The following DAB1 variants were observed in gnomAD, a reference collection of about 807,000 sequenced individuals.
The protein encoded by DAB1 is disabled homolog 1.
DAB1 carries 15 observed loss-of-function variants against 64.6 expected under a neutral mutation model. That is an observed-to-expected ratio of 0.23 (90% confidence interval 0.16 to 0.36). DAB1 has a LOEUF of 0.36. Among genes scored for constraint, DAB1 ranks in the 10% least tolerant of loss-of-function variants. The pLI, the probability that DAB1 is intolerant of heterozygous loss-of-function variation, is 1.00. For missense variants in DAB1, 596 were observed against 706.7 expected, an observed-to-expected ratio of 0.84 and a Z score of 1.78; for synonymous variants, 235 against 251.9, an observed-to-expected ratio of 0.93 and a Z score of 0.64.
chr1:58,296,072 C>A (rs1384554750), intron 4 of DAB1, among the ~76,000 whole-genome samples: 1 of 115,178 alleles, frequency 8.7e-6, no homozygotes, highest in Non-Finnish European at 1.6e-5. Context: ...CCAGCCTGGG[C>A]AACAGAGCGA....
chr1:57,108,955 T>C (rs1381789923), intron 4 of DAB1, among the ~76,000 whole-genome samples: 1 of 152,174 alleles, frequency 6.6e-6, no homozygotes. Context: ...GAGAACCACA[T>C]GAGATGTGTC....
intron 3 of DAB1, among the ~76,000 whole-genome samples, chr1:58,458,658 G>T (rs999286309): frequency 2.0e-5 from 3 of 152,120 alleles, no homozygotes; most frequent in African/African-American, 7.2e-5. Flanking sequence ...ACAAAAATTA[G>T]CTGGGCATGG....
At chr1:57,799,924 CTAAAT>C (rs1651047455) in intron 6 of DAB1, among the ~76,000 whole-genome samples, 1 of 152,056 alleles carries the variant, frequency 6.6e-6, no homozygotes, top group Non-Finnish European at 1.5e-5. Flanking sequence ...CCCACAAAGC[CTAAAT>C]ATTTACTATC....
At chr1:58,322,238 A>G (rs1033395489) in intron 4 of DAB1, among the ~76,000 whole-genome samples, 1 of 152,222 alleles carries the variant, frequency 6.6e-6, no homozygotes, top group Non-Finnish European at 1.5e-5. Flanking sequence ...AAATAGACAA[A>G]TGGAATCTAA....
chr1:57,217,715 A>G (rs1666532557), intron 2 of DAB1, among the ~76,000 whole-genome samples: 1 of 152,142 alleles, frequency 6.6e-6, no homozygotes, highest in African/African-American at 2.4e-5. Context: ...TGTTCACCCT[A>G]ATTCATAGTT....
chr1:57,741,033 T>C (rs1003770875), intron 6 of DAB1, among the ~76,000 whole-genome samples: 1 of 152,158 alleles, frequency 6.6e-6, no homozygotes, highest in African/African-American at 2.4e-5. Flanking sequence ...ACACTTCCTC[T>C]GGAAAGCCTT....
intron 7 of DAB1, among the ~76,000 whole-genome samples, chr1:57,468,410 A>G (rs1483493617): frequency 6.6e-6 from 1 of 152,220 alleles, no homozygotes; most frequent in African/African-American, 2.4e-5. Context: ...AAAATTTTAG[A>G]ATGGTAAATG....
At chr1:57,352,359 T>TA (rs1287762010) in intron 1 of DAB1, among the ~76,000 whole-genome samples, 1 of 152,182 alleles carries the variant, frequency 6.6e-6, no homozygotes, top group African/African-American at 2.4e-5. Flanking sequence ...AAATAGTACT[T>TA]ACAGCAACTT....
chr1:57,433,946 C>T (rs1426507793), intron 7 of DAB1, among the ~76,000 whole-genome samples: 1 of 150,974 alleles, frequency 6.6e-6, no homozygotes, highest in Non-Finnish European at 1.5e-5. Flanking sequence ...TGTAATAAGA[C>T]ACCACTTCAC....
intron 6 of DAB1, among the ~76,000 whole-genome samples, chr1:57,707,463 AAAGT>A (rs1646982175): frequency 6.6e-6 from 1 of 151,488 alleles, no homozygotes; most frequent in East Asian, 1.9e-4. Context: ...TTGGGCTATT[AAAGT>A]AAGGCTGTTA....
chr1:58,084,515 T>C (rs1260439247), intron 5 of DAB1: 3 of 188,534 alleles, frequency 1.6e-5, no homozygotes, highest in Middle Eastern at 1.0e-3. Flanking sequence ...TGCACATTAG[T>C]CTGCAGCAAG....
intron 6 of DAB1, among the ~76,000 whole-genome samples, chr1:57,744,169 C>A (rs1648148045): frequency 6.6e-6 from 1 of 152,330 alleles, no homozygotes; most frequent in African/African-American, 2.4e-5. Flanking sequence ...CCCAACATGA[C>A]TCTGAGAAGC....
At chr1:57,932,297 T>C (rs530962747) in intron 5 of DAB1, among the ~76,000 whole-genome samples, 1 of 152,322 alleles carries the variant, frequency 6.6e-6, no homozygotes, top group South Asian at 2.1e-4. Context: ...TTGACAAGAA[T>C]ATATATTCTG....
At position 57,683,793 on chromosome 1, in the gene DAB1, A is replaced by G. The variant is rs553608622; in HGVS notation, n.552-34128T>C. On this transcript the variant is annotated intron_variant and non_coding_transcript_variant, in intron 6 of 20. Coordinates refer to the DAB1 transcript ENST00000485760. ...GTTGTCAATCAGACTGAAATGACAGACATAGAGTTCAGAATCTGGATGACA... is the reference window on the plus strand; with the variant it reads ...GTTGTCAATCAGACTGAAATGACAGGCATAGAGTTCAGAATCTGGATGACA... Among the ~76,000 whole-genome samples, 7 of 152,320 alleles carry G rather than the reference A, an allele frequency of 4.6e-5. No homozygotes were observed. The South Asian group carries it at 1.5e-3, about 32-fold the overall frequency.
chr1:58,219,340 A>G (rs1274327885), intron 4 of DAB1, among the ~76,000 whole-genome samples: 9 of 152,106 alleles, frequency 5.9e-5, no homozygotes, highest in South Asian at 2.1e-4. Flanking sequence ...GGGGTAAGGG[A>G]AGAAGACTCA....
chr1:57,147,307 C>T lies in DAB1; in HGVS notation c.68-1878G>A, dbSNP rs1659240916. On this transcript the variant is annotated intron_variant, in intron 2 of 14. Coordinates refer to ENST00000371236, the MANE Select transcript of DAB1 (RefSeq NM_001365792.1). ...GCAGGGATTATAGGCGTGAGTATCA[C>T]CACTATTATAAGCCCAGTAAAAGAA... 2.0e-5 allele frequency among the ~76,000 whole-genome samples: 3 copies of T among 151,802 alleles called. No individual in the cohort carries two copies. In the South Asian group the frequency reaches 6.3e-4, roughly 32 times the overall value.
chr1:57,604,706 T>C (rs1283072298), intron 7 of DAB1, among the ~76,000 whole-genome samples: 1 of 152,202 alleles, frequency 6.6e-6, no homozygotes, highest in African/African-American at 2.4e-5. Context: ...TCACTAGGGT[T>C]CGTGTGTCAG....
intron 6 of DAB1, among the ~76,000 whole-genome samples, chr1:57,730,901 A>G (rs1478301781): frequency 6.6e-6 from 1 of 152,240 alleles, no homozygotes; most frequent in African/African-American, 2.4e-5. Flanking sequence ...TGCATCCTCT[A>G]TGGAAAATGA....
At chr1:58,515,594 GTTACT>G (rs1646146913) in intron 2 of DAB1, among the ~76,000 whole-genome samples, 1 of 152,118 alleles carries the variant, frequency 6.6e-6, no homozygotes, top group South Asian at 2.1e-4. Context: ...CATTATGAAA[GTTACT>G]TTACAACATA....
Sources: gnomAD v4.1 joint callset for allele counts (sites outside exome capture counted in the v4.1 genomes callset) on GRCh38, gnomAD v4.1.1 for gene constraint, MANE v1.5 for transcripts, NCBI Gene and HGNC (gene_info 2026-07-23, HGNC 2026-07-21) for gene names.